The following CACNA2D2 variants were observed in gnomAD, a reference collection of about 807,000 sequenced individuals.
The protein encoded by CACNA2D2 is calcium voltage-gated channel auxiliary subunit alpha2delta 2, also known as voltage-dependent calcium channel subunit alpha-2/delta-2.
CACNA2D2 carries 48 observed loss-of-function variants against 166.4 expected under a neutral mutation model. The ratio of observed to expected loss-of-function variants is 0.29; its 90% confidence interval spans 0.23 to 0.37. The LOEUF is 0.37. CACNA2D2 is among the 10% of genes least tolerant of loss of function. The pLI, the probability that CACNA2D2 is intolerant of heterozygous loss-of-function variation, is 1.00. For synonymous variants in CACNA2D2, 561 were observed against 573.7 expected (o/e 0.98, Z 0.32); for missense variants, 1,122 against 1,433.0 (o/e 0.78, Z 3.50).
At chr3:50,451,918 G>A (rs1352158876) in intron 2 of CACNA2D2, among the ~76,000 whole-genome samples, 2 of 152,194 alleles carry the variant, frequency 1.3e-5, no homozygotes, top group Non-Finnish European at 2.9e-5. Context: ...CTCACCCGAG[G>A]CCTCAGCGCT....
At chr3:50,447,312 C>T (rs558760910) in intron 2 of CACNA2D2, among the ~76,000 whole-genome samples, 2 of 152,298 alleles carry the variant, frequency 1.3e-5, no homozygotes, top group African/African-American at 2.4e-5. Flanking sequence ...GCCCCCTTCT[C>T]GTGGTCAGGT....
intron 1 of CACNA2D2, among the ~76,000 whole-genome samples, chr3:50,501,812 G>A (rs532123754): frequency 7.2e-5 from 11 of 152,190 alleles, no homozygotes; most frequent in Admixed American, 1.3e-4. Context: ...TTTCCATCAC[G>A]GCAAATGAAA....
chr3:50,409,034 C>A (rs1275358727), intron 3 of CACNA2D2, among the ~76,000 whole-genome samples: 1 of 152,216 alleles, frequency 6.6e-6, no homozygotes, highest in East Asian at 1.9e-4. Flanking sequence ...CTCCTCAGCC[C>A]ATTGGGCTGG....
intron 3 of CACNA2D2, among the ~76,000 whole-genome samples, chr3:50,416,864 AGTGT>A (rs142353969): frequency 2.0e-5 from 3 of 152,254 alleles, no homozygotes; most frequent in East Asian, 3.9e-4. Context: ...CAGGAGTGAA[AGTGT>A]GTGTGTGTGC....
Position 50,403,757 on chromosome 3 carries a change from C to T in CACNA2D2, c.406-9589G>A, listed in dbSNP as rs1017354240. ...TGAAGTTTGCCTTCCTGCCATGCTG[C>T]GGTTCCAAAGCCTTGTTTGTGCTGT... On this transcript the variant is annotated intron_variant, in intron 3 of 37. Transcript: ENST00000424201. 4.6e-5 allele frequency among the ~76,000 whole-genome samples: 7 copies of T among 152,340 alleles called. No homozygotes were observed. The East Asian group carries it at 5.8e-4, about 13-fold the overall frequency.
chr3:50,485,648 G>A (rs562789970), intron 1 of CACNA2D2, among the ~76,000 whole-genome samples: 20 of 152,350 alleles, frequency 1.3e-4, no homozygotes, highest in African/African-American at 4.8e-4. Context: ...CTAGGATACG[G>A]AGACAGGCAG....
chr3:50,487,862 C>T (rs1019714224), intron 1 of CACNA2D2, among the ~76,000 whole-genome samples: 1 of 152,164 alleles, frequency 6.6e-6, no homozygotes, highest in Non-Finnish European at 1.5e-5. Context: ...CTCACTCATT[C>T]ATTCATTCCG....
At position 50,393,477 on chromosome 3, in the gene CACNA2D2, T is replaced by C. The variant is rs531596631; in HGVS notation, c.465+632A>G. 8.5e-5 allele frequency among the ~76,000 whole-genome samples: 13 copies of C among 152,274 alleles called. No individual in the cohort carries two copies. In the South Asian group the frequency reaches 2.1e-3, roughly 24 times the overall value. On this transcript the variant is annotated intron_variant, in intron 4 of 37. Coordinates refer to ENST00000424201, the MANE Select transcript of CACNA2D2 (RefSeq NM_006030.4). ...AGGCAAAATCAAACACAGCAAGGAA[T>C]TGGTGAGGGCAACTCAGGCCTAGGC...
chr3:50,468,429 G>A (rs1439776338), intron 2 of CACNA2D2, among the ~76,000 whole-genome samples: 3 of 148,708 alleles, frequency 2.0e-5, no homozygotes, highest in Non-Finnish European at 4.5e-5. Flanking sequence ...GTGTGTGTGT[G>A]TGTGTGTGTG....
intron 2 of CACNA2D2, among the ~76,000 whole-genome samples, chr3:50,456,739 T>C (rs1261831157): frequency 6.6e-6 from 1 of 152,170 alleles, no homozygotes; most frequent in Non-Finnish European, 1.5e-5. Context: ...ACACGGATAG[T>C]GTCCTGTTCC....
intron 3 of CACNA2D2, among the ~76,000 whole-genome samples, chr3:50,425,045 A>G (rs1043794006): frequency 6.6e-6 from 1 of 152,116 alleles, no homozygotes. Context: ...AGGCACAGAA[A>G]GTGGGGCCAG....
intron 1 of CACNA2D2, among the ~76,000 whole-genome samples, 168 bp downstream of exon 1, chr3:50,503,050 C>A (rs924521355): frequency 1.3e-5 from 2 of 152,150 alleles, no homozygotes; most frequent in Admixed American, 1.3e-4. Flanking sequence ...GCGCCGGGAC[C>A]GCGGCTGCCA....
At chr3:50,406,859 C>A (rs1342881249) in intron 3 of CACNA2D2, among the ~76,000 whole-genome samples, 1 of 151,848 alleles carries the variant, frequency 6.6e-6, no homozygotes, top group African/African-American at 2.4e-5. Context: ...CTGCTACCTG[C>A]ACCATCACCT....
At position 50,438,276 on chromosome 3, in the gene CACNA2D2, G is replaced by A. The variant is rs981277569; in HGVS notation, c.289-3847C>T. On this transcript the variant is annotated intron_variant, in intron 2 of 37. Transcript: ENST00000424201. ...CTCAGCTGGTGCCCTCCTCCCTTGA[G>A]GGCACTCCTATCCCACCAGTGATGG... 3.3e-5 allele frequency among the ~76,000 whole-genome samples: 5 copies of A among 152,034 alleles called. 1 individual carries two copies. The highest frequency in any genetic ancestry group is 3.3e-4 in the Admixed American group (5 of 15,264).
Position 50,364,311 on chromosome 3 carries a change from A to C in CACNA2D2, c.*355T>G. 3.6e-6 allele frequency: 1 copy of C among 279,028 alleles called. No individual in the cohort carries two copies. 17.3% of individuals were successfully genotyped at this position (279,028 alleles called of 1,614,324 possible). A position where few individuals can be genotyped will look rare whatever the true frequency, so the allele number is the denominator to read the frequency against. On this transcript the variant is annotated 3_prime_UTR_variant, in exon 38 of 38. Transcript: ENST00000424201. ...GCAGAGAGGCCGGGTCAGCTGAGGC[A>C]GGGTCCCCCCCAACATAGGCAGCCT...
chr3:50,396,087 C>A (rs1426679646), intron 3 of CACNA2D2, among the ~76,000 whole-genome samples: 1 of 152,078 alleles, frequency 6.6e-6, no homozygotes, highest in Non-Finnish European at 1.5e-5. Flanking sequence ...GGGCCCCAGG[C>A]CTCTCTACTC....
chr3:50,453,991 T>G (rs2106968481), intron 2 of CACNA2D2, among the ~76,000 whole-genome samples: 1 of 151,092 alleles, frequency 6.6e-6, no homozygotes, highest in Admixed American at 6.6e-5. Context: ...GAGCCCCATC[T>G]CCCCCTCCAC....
chr3:50,370,343 T>C lies in CACNA2D2; in HGVS notation c.2022A>G (p.Glu674=), dbSNP rs777456090. 2.5e-6 allele frequency: 4 copies of C among 1,588,908 alleles called. No homozygotes were observed. Among genetic ancestry groups the C allele is most frequent in the Non-Finnish European group, 3.4e-6 (4 of 1,168,694 alleles). The change falls in exon 23 of 38, where the codon GAA becomes GAG. Residue 674 remains glutamate, a synonymous_variant. Transcript: ENST00000424201. Reference sequence around the variant, plus strand: ...ACCTGGGAGCAATGAAAACGTGTCCTTCAGACTCAAAGCTGCTGGGGAGCA... The same window carrying C: ...ACCTGGGAGCAATGAAAACGTGTCCCTCAGACTCAAAGCTGCTGGGGAGCA... The part of the protein sequence containing the change: ...EFLLPSSFES[E]GHVFIAPREY...
In CACNA2D2 at chr3:50,485,975, C is replaced by T. The variant is rs565457066; in HGVS notation, c.207-9776G>A. On this transcript the variant is annotated intron_variant, in intron 1 of 37. Transcript: ENST00000424201. ...AGCCTGGAACCACCCACCCCGGCCA[C>T]TGACACAGACTATGGGCATTTTGGG... Among the ~76,000 whole-genome samples the T allele has an allele frequency of 1.7e-3, 256 of 152,278 alleles. 1 individual carries two copies. Among genetic ancestry groups the T allele is most frequent in the African/African-American group, 5.8e-3 (239 of 41,556 alleles).
Sources: gnomAD v4.1 joint callset for allele counts (sites outside exome capture counted in the v4.1 genomes callset) on GRCh38, gnomAD v4.1.1 for gene constraint, MANE v1.5 for transcripts, NCBI Gene and HGNC (gene_info 2026-07-23, HGNC 2026-07-21) for gene names.